Variants in LIPK observed in about 807,000 individuals in gnomAD.
The protein encoded by LIPK is lipase member K.
In LIPK, 32 loss-of-function variants were observed where a neutral mutation model predicts 48.6. The observed-to-expected ratio is 0.66, with a 90% confidence interval of 0.50 to 0.88. The LOEUF (loss-of-function observed/expected upper bound fraction) is 0.88. LIPK is among the 40% of genes least tolerant of loss of function. The pLI, the probability that LIPK is intolerant of heterozygous loss-of-function variation, is 0.00. For missense variants in LIPK, 507 were observed against 478.5 expected, an observed-to-expected ratio of 1.06 and a Z score of -0.56; for synonymous variants, 164 against 157.4, an observed-to-expected ratio of 1.04 and a Z score of -0.32.
At chr10:88,728,563 A>G in intron 3 of LIPK, 2 of 439,580 alleles carry the variant, frequency 4.5e-6, no homozygotes, top group East Asian at 6.2e-5. Flanking sequence ...ACCAAACAGG[A>G]GAGGGCGCCG....
intron 3 of LIPK, among the ~76,000 whole-genome samples, chr10:88,729,251 T>G (rs1842412407): frequency 1.2e-3 from 2 of 1,708 alleles, no homozygotes; most frequent in Admixed American, 7.9e-3. Flanking sequence ...TGGCTATCTG[T>G]TGGGGGGGGG....
At chr10:88,749,123 T>C (rs959411688) in intron 9 of LIPK, among the ~76,000 whole-genome samples, 4 of 152,056 alleles carry the variant, frequency 2.6e-5, no homozygotes, top group African/African-American at 9.7e-5. Context: ...AAATCAGAGA[T>C]GATACAAATG....
chr10:88,726,543 A>T (rs437261), intron 2 of LIPK, among the ~76,000 whole-genome samples: 1 of 152,016 alleles, frequency 6.6e-6, no homozygotes, highest in Non-Finnish European at 1.5e-5. Flanking sequence ...CATACAAAAA[A>T]TGTAGCTGGC....
intron 4 of LIPK, 122 bp from the exon 5 acceptor site, chr10:88,732,056 T>C (rs1842477572): frequency 1.7e-6 from 1 of 596,542 alleles, no homozygotes; most frequent in Non-Finnish European, 2.9e-6. Context: ...TAATATCATA[T>C]ATCGACACTA....
At chr10:88,751,379 T>A (rs185834225) in intron 9 of LIPK, among the ~76,000 whole-genome samples, 248 of 152,278 alleles carry the variant, frequency 1.6e-3, no homozygotes, top group African/African-American at 5.7e-3. Context: ...TTCTTTTTTT[T>A]AATTTCTTTT....
In LIPK at chr10:88,737,742, A is replaced by G. The variant is rs1489952565; in HGVS notation, c.777A>G (p.Leu259=). 8 of 1,613,678 alleles carry G rather than the reference A, an allele frequency of 5.0e-6. No individual in the cohort carries two copies. Among genetic ancestry groups the G allele is most frequent in the South Asian group, 3.3e-5 (3 of 91,078 alleles). Residue 259 remains leucine, a synonymous_variant, in exon 7 of 10, where the codon CTA becomes CTG. Transcript: ENST00000404190. The part of the protein sequence containing the change: ...KLFRRICSNF[L]FTLSGFDPQN... The stretch of plus-strand genomic sequence containing the variant: ...TCCGTCGTATTTGCAGCAACTTCCT[A>G]TTTACTCTGAGTGGATTTGATCCGC...
chr10:88,750,749 G>A (rs1271340728), intron 9 of LIPK, among the ~76,000 whole-genome samples: 1 of 151,996 alleles, frequency 6.6e-6, no homozygotes, highest in African/African-American at 2.4e-5. Context: ...AAACCTCCAT[G>A]ATATGCAATT....
intron 6 of LIPK, among the ~76,000 whole-genome samples, chr10:88,735,698 A>G (rs991904064): frequency 4.6e-5 from 7 of 152,230 alleles, no homozygotes; most frequent in Non-Finnish European, 1.0e-4. Flanking sequence ...CACACATACC[A>G]AAAGAGCTAC....
chr10:88,719,816 T>C (rs981399324), intron 1 of LIPK, among the ~76,000 whole-genome samples: 2 of 152,174 alleles, frequency 1.3e-5, no homozygotes, highest in Non-Finnish European at 2.9e-5. Context: ...TATTGGGCAA[T>C]GAGAAAAATG....
chr10:88,728,641 G>C, intron 3 of LIPK: 1 of 489,618 alleles, frequency 2.0e-6, no homozygotes. Context: ...GCCACCTACA[G>C]GAAGCTGCTG....
At chr10:88,719,380 AC>A (rs1842178793) in intron 1 of LIPK, among the ~76,000 whole-genome samples, 1 of 152,354 alleles carries the variant, frequency 6.6e-6, no homozygotes, top group African/African-American at 2.4e-5. Context: ...GTGCGGCTTC[AC>A]TGGGAAGCTA....
chr10:88,732,394 T>C, intron 5 of LIPK, 21 bp from the exon 6 acceptor site: 2 of 1,603,422 alleles, frequency 1.2e-6, no homozygotes, highest in Non-Finnish European at 1.7e-6. Flanking sequence ...AACTATGAAC[T>C]ACTGTCTTCT....
intron 3 of LIPK, among the ~76,000 whole-genome samples, chr10:88,730,605 C>T (rs924055051): frequency 6.6e-6 from 1 of 152,094 alleles, no homozygotes; most frequent in Admixed American, 6.6e-5. Context: ...CAGCCTTTTA[C>T]ATGTTTTAGT....
chr10:88,708,435 G>C (rs1841973638), intron 1 of LIPK, among the ~76,000 whole-genome samples: 1 of 151,710 alleles, frequency 6.6e-6, no homozygotes. Flanking sequence ...TTGTTTATTT[G>C]TTTTAGAAGT....
Position 88,748,387 on chromosome 10 carries a change from C to T in LIPK, c.961-4130C>T, listed in dbSNP as rs934855276. On this transcript the variant is annotated intron_variant, in intron 9 of 9. Coordinates refer to ENST00000404190, the MANE Select transcript of LIPK (RefSeq NM_001080518.2). ...TTGTGCACATGTATCCTGTCTGAGG[C>T]GGGCAGATCACTTGAGGTCAGGGGT... Among the ~76,000 whole-genome samples the T allele has an allele frequency of 5.3e-5, 8 of 152,118 alleles. 1 individual carries two copies. The highest frequency in any genetic ancestry group is 4.1e-4 in the South Asian group (2 of 4,822).
At chr10:88,746,361 C>A (rs1298343690) in intron 9 of LIPK, among the ~76,000 whole-genome samples, 2 of 151,714 alleles carry the variant, frequency 1.3e-5, no homozygotes, top group East Asian at 3.9e-4. Context: ...ACTCTAAAAT[C>A]GACCACACAC....
chr10:88,738,181 C>G (rs1341957022), intron 7 of LIPK, among the ~76,000 whole-genome samples: 3 of 152,198 alleles, frequency 2.0e-5, no homozygotes, highest in Non-Finnish European at 4.4e-5. Context: ...TTGTGAACAA[C>G]TTACTTCCTT....
intron 1 of LIPK, among the ~76,000 whole-genome samples, chr10:88,711,711 G>A (rs1842030336): frequency 6.6e-6 from 1 of 152,214 alleles, no homozygotes; most frequent in African/African-American, 2.4e-5. Context: ...CTGGCCTCAA[G>A]TGATCCACCT....
intron 6 of LIPK, among the ~76,000 whole-genome samples, chr10:88,734,494 T>G (rs1159471042): frequency 1.3e-5 from 2 of 152,146 alleles, no homozygotes; most frequent in Non-Finnish European, 2.9e-5. Context: ...AATTAATGAA[T>G]TTGGAATGTA....
Sources: gnomAD v4.1 joint callset for allele counts (sites outside exome capture counted in the v4.1 genomes callset) on GRCh38, gnomAD v4.1.1 for gene constraint, MANE v1.5 for transcripts, NCBI Gene and HGNC (gene_info 2026-07-23, HGNC 2026-07-21) for gene names.